Variants in DPP6 observed in about 807,000 individuals in gnomAD.
DPP6 encodes the protein A-type potassium channel modulatory protein DPP6.
A neutral mutation model predicts 122.6 loss-of-function variants in DPP6; 69 were observed. The observed-to-expected ratio is 0.56, with a 90% CI of 0.46 to 0.69. The LOEUF (loss-of-function observed/expected upper bound fraction) is 0.69, where lower values mean the gene tolerates loss of function less well. Ranked by LOEUF, DPP6 falls within the 30% of genes least tolerant of loss-of-function variation. The pLI is 0.00. For missense variants in DPP6, 928 were observed against 1,116.9 expected (o/e 0.83, Z 2.41); for synonymous variants, 418 against 433.1 (o/e 0.97, Z 0.43).
intron 7 of DPP6, among the ~76,000 whole-genome samples, chr7:154,711,214 A>T (rs1586935437): frequency 6.6e-6 from 1 of 152,190 alleles, no homozygotes; most frequent in African/African-American, 2.4e-5. Context: ...TAATAATAAC[A>T]TGTTGGGTTC....
At chr7:153,843,190 G>A in the DPP6 span, among the ~76,000 whole-genome samples, 20 of 150,934 alleles carry the variant, frequency 1.3e-4, no homozygotes, top group African/African-American at 3.4e-4. Context: ...ATACACACGC[G>A]TGCATACACA....
chr7:154,143,122 G>C (rs891838481), intron 1 of DPP6, among the ~76,000 whole-genome samples: 13 of 150,600 alleles, frequency 8.6e-5, no homozygotes, highest in Admixed American at 4.0e-4. Context: ...TAGGATTACA[G>C]GTTATTCAAG....
intron 1 of DPP6, chr7:154,305,335 T>TTGGGGG: frequency 7.8e-6 from 8 of 1,024,710 alleles, no homozygotes; most frequent in African/African-American, 1.7e-5. Flanking sequence ...TCGTCTTGTC[T>TTGGGGG]ACCCACCCTC....
At chr7:153,943,945 G>C (rs1801816711) in intron 1 of DPP6, among the ~76,000 whole-genome samples, 1 of 152,132 alleles carries the variant, frequency 6.6e-6, no homozygotes, top group South Asian at 2.1e-4. Flanking sequence ...AGTTCCAGTG[G>C]AGTCTGCAGG....
Position 154,603,431 on chromosome 7 carries a change from C to G in DPP6, c.628-34390C>G, listed in dbSNP as rs1833481659. On this transcript the variant is annotated intron_variant, in intron 5 of 25. Coordinates refer to ENST00000377770, the MANE Select transcript of DPP6 (RefSeq NM_130797.4). ...CCTGTAATCCCAGCACTTTGGGAGG[C>G]CGAAGTGGGCAGATCACCTGAGGTC... Among the ~76,000 whole-genome samples the G allele has an allele frequency of 1.7e-5, 2 of 117,292 alleles. 1 individual carries two copies. The allele number at this position is 117,292 out of a possible 152,430, so 76.9% of individuals were successfully genotyped here.
chr7:153,950,829 G>C (rs1315519724), intron 1 of DPP6, among the ~76,000 whole-genome samples: 1 of 152,220 alleles, frequency 6.6e-6, no homozygotes, highest in Non-Finnish European at 1.5e-5. Context: ...ATGCAGTAAA[G>C]AGTTGGCTCT....
intron 1 of DPP6, among the ~76,000 whole-genome samples, chr7:153,999,434 T>C (rs1797587634): frequency 6.6e-6 from 1 of 152,352 alleles, no homozygotes; most frequent in South Asian, 2.1e-4. Context: ...CCATCACATC[T>C]TCAAGGCTTT....
chr7:154,835,146 T>A (rs1800949495), intron 16 of DPP6, among the ~76,000 whole-genome samples: 3 of 152,096 alleles, frequency 2.0e-5, no homozygotes. Context: ...GGAAATAGGA[T>A]CATTGTAGAT....
intron 5 of DPP6, among the ~76,000 whole-genome samples, chr7:154,625,037 C>G (rs1048913927): frequency 2.6e-5 from 4 of 152,176 alleles, no homozygotes; most frequent in Non-Finnish European, 4.4e-5. Context: ...GATAAATATA[C>G]AGCAATACCA....
chr7:154,295,035 G>A (rs1805448804), intron 1 of DPP6, among the ~76,000 whole-genome samples: 1 of 152,266 alleles, frequency 6.6e-6, no homozygotes, highest in Admixed American at 6.5e-5. Context: ...GGGCAGACCT[G>A]CCTGTGCCGG....
intron 1 of DPP6, among the ~76,000 whole-genome samples, chr7:153,928,199 GTTTTC>G (rs1800993866): frequency 1.3e-5 from 2 of 150,806 alleles, no homozygotes; most frequent in South Asian, 4.2e-4. Context: ...CTGAGGGCCA[GTTTTC>G]TTTTCTTTTT....
At chr7:153,912,297 G>A (rs531638907) in intron 1 of DPP6, among the ~76,000 whole-genome samples, 1 of 152,294 alleles carries the variant, frequency 6.6e-6, no homozygotes, top group Admixed American at 6.5e-5. Flanking sequence ...AAAACGAACT[G>A]GAACCGTCGC....
At chr7:154,451,075 G>A (rs1446020608) in intron 2 of DPP6, among the ~76,000 whole-genome samples, 1 of 152,064 alleles carries the variant, frequency 6.6e-6, no homozygotes, top group Non-Finnish European at 1.5e-5. Flanking sequence ...ACTCAAGAGT[G>A]GAATAAGGCC....
At chr7:154,799,371 C>A (rs979746128) in intron 12 of DPP6, among the ~76,000 whole-genome samples, 1 of 152,152 alleles carries the variant, frequency 6.6e-6, no homozygotes, top group South Asian at 2.1e-4. Context: ...AGCAGGCAAT[C>A]CCCCCTGCCA....
At chr7:154,384,725 C>T (rs1198670789) in intron 1 of DPP6, among the ~76,000 whole-genome samples, 2 of 126,150 alleles carry the variant, frequency 1.6e-5, no homozygotes, top group African/African-American at 5.9e-5. Flanking sequence ...TTTTTTCTTT[C>T]TTTCTTTCTT....
chr7:154,467,939 G>A (rs1821933918), intron 2 of DPP6, among the ~76,000 whole-genome samples: 2 of 152,130 alleles, frequency 1.3e-5, no homozygotes, highest in African/African-American at 2.4e-5. Context: ...CAAGGTATTA[G>A]CAAAGGTTTT....
At chr7:154,749,592 G>A (rs185206808) in intron 8 of DPP6, among the ~76,000 whole-genome samples, 16 of 114,814 alleles carry the variant, frequency 1.4e-4, no homozygotes, top group South Asian at 6.6e-4. Flanking sequence ...TAGGACGGGA[G>A]AGAGAGGGAT....
chr7:154,142,316 G>A (rs993604010), intron 1 of DPP6, among the ~76,000 whole-genome samples: 5 of 152,152 alleles, frequency 3.3e-5, no homozygotes, highest in African/African-American at 1.2e-4. Context: ...ATTGGATAAT[G>A]TATTTGGTTT....
At chr7:153,905,431 T>G (rs962270077) in intron 1 of DPP6, among the ~76,000 whole-genome samples, 2 of 152,110 alleles carry the variant, frequency 1.3e-5, no homozygotes, top group Admixed American at 6.5e-5. Flanking sequence ...AGATTGAGAT[T>G]ATTATTATAT....
Sources: allele counts gnomAD v4.1 joint callset (sites outside exome capture counted in the v4.1 genomes callset), GRCh38; gene constraint gnomAD v4.1.1; transcripts MANE v1.5; gene names NCBI Gene and HGNC (gene_info 2026-07-23, HGNC 2026-07-21).